LMBR1: variants seen among roughly 807,000 people sequenced by gnomAD.
LMBR1 encodes the protein limb region 1 protein homolog.
A neutral mutation model predicts 73.9 loss-of-function variants in LMBR1; 52 were observed. The observed-to-expected ratio is 0.70, with a 90% CI of 0.56 to 0.89. The LOEUF (loss-of-function observed/expected upper bound fraction) is 0.89. LMBR1 is among the 40% of genes least tolerant of loss of function. The probability of loss-of-function intolerance (pLI) is 0.00; values close to 1 mark genes in which losing one functional copy is unlikely to be tolerated. For synonymous variants in LMBR1, 215 were observed against 209.4 expected, an observed-to-expected ratio of 1.03 and a Z score of -0.23; for missense variants, 539 against 579.8, an observed-to-expected ratio of 0.93 and a Z score of 0.72.
intron 4 of LMBR1, among the ~76,000 whole-genome samples, chr7:156,807,004 T>G (rs1832254691): frequency 6.6e-6 from 1 of 151,736 alleles, no homozygotes; most frequent in South Asian, 2.1e-4. Context: ...GTCATATGCT[T>G]TTTCTGCATG....
chr7:156,751,813 G>T (rs1426355983), intron 9 of LMBR1, among the ~76,000 whole-genome samples: 1 of 152,192 alleles, frequency 6.6e-6, no homozygotes, highest in Non-Finnish European at 1.5e-5. Context: ...GCAAAATCTA[G>T]AAGTAAAGAT....
chr7:156,845,052 G>C (rs1211335208), intron 1 of LMBR1, among the ~76,000 whole-genome samples: 2 of 152,116 alleles, frequency 1.3e-5, no homozygotes, highest in Admixed American at 6.5e-5. Flanking sequence ...TATCATAAAA[G>C]AGTGATGAGT....
chr7:156,882,437 A>G (rs906867248), intron 1 of LMBR1, among the ~76,000 whole-genome samples: 7 of 152,112 alleles, frequency 4.6e-5, no homozygotes, highest in South Asian at 2.1e-4. Context: ...CTCAAGGGGG[A>G]AAAAAAGGAA....
In LMBR1 at chr7:156,826,684, G is replaced by C. The variant is rs886062121; in HGVS notation, c.240C>G (p.Phe80Leu). The stretch of plus-strand genomic sequence containing the variant: ...GCAGGATTTCATTGCTGATGATTGA[G>C]AAGGGTAAAAGCAAAACAGCCCCAG... ...VSAGAVLLLP[F>L]SIISNEILLS... Residue 80 changes from phenylalanine to leucine, a missense_variant, in exon 4 of 17, where the codon TTC becomes TTG. Physicochemically the swap from Phe to Leu is conservative, Grantham distance 22. This residue lies in a region of LMBR1 where 454 missense variants were observed against 473.4 expected (regional missense o/e 0.96). Coordinates refer to ENST00000353442, the MANE Select transcript of LMBR1 (RefSeq NM_022458.4). 4 of 1,611,186 alleles carry C rather than the reference G, an allele frequency of 2.5e-6. No homozygotes were observed. Among genetic ancestry groups the C allele is most frequent in the Non-Finnish European group, 3.4e-6 (4 of 1,178,452 alleles).
intron 1 of LMBR1, among the ~76,000 whole-genome samples, chr7:156,839,108 G>A (rs1325355754): frequency 1.4e-5 from 2 of 138,196 alleles, no homozygotes; most frequent in East Asian, 4.4e-4. Context: ...GGAGTGCAAT[G>A]GCGCGATCTT....
chr7:156,706,189 T>C (rs1810897195), intron 15 of LMBR1, among the ~76,000 whole-genome samples: 1 of 147,708 alleles, frequency 6.8e-6, no homozygotes, highest in South Asian at 2.2e-4. Flanking sequence ...AAGGTCATTA[T>C]ATAATGATAA....
intron 15 of LMBR1, among the ~76,000 whole-genome samples, chr7:156,709,993 C>A (rs189984912): frequency 6.7e-6 from 1 of 149,908 alleles, no homozygotes; most frequent in East Asian, 2.0e-4. Flanking sequence ...CAAGCTCCAC[C>A]TCCCGGGTTC....
intron 8 of LMBR1, among the ~76,000 whole-genome samples, chr7:156,758,178 G>C (rs1278358708): frequency 6.6e-6 from 1 of 152,192 alleles, no homozygotes; most frequent in Non-Finnish European, 1.5e-5. Flanking sequence ...CCTGGATGCA[G>C]TGGGTTAGGG....
intron 10 of LMBR1, among the ~76,000 whole-genome samples, chr7:156,729,653 T>C (rs1014620841): frequency 6.6e-6 from 1 of 152,010 alleles, no homozygotes; most frequent in African/African-American, 2.4e-5. Flanking sequence ...TTTTGTATTT[T>C]TAGTAGAGAC....
At chr7:156,715,471 T>C (rs1289173935) in intron 15 of LMBR1, among the ~76,000 whole-genome samples, 1 of 152,244 alleles carries the variant, frequency 6.6e-6, no homozygotes, top group Non-Finnish European at 1.5e-5. Context: ...TACTCTTTTT[T>C]CTTTTTTAAT....
At chr7:156,704,403 G>GCC (rs1810460197) in intron 15 of LMBR1, among the ~76,000 whole-genome samples, 1 of 151,934 alleles carries the variant, frequency 6.6e-6, no homozygotes, top group African/African-American at 2.4e-5. Context: ...AAGCCAAACA[G>GCC]CCCTACCTGC....
At chr7:156,675,504 C>A (rs540719540), downstream of LMBR1, among the ~76,000 whole-genome samples, 11 of 152,108 alleles carry the variant, frequency 7.2e-5, no homozygotes, top group Non-Finnish European at 1.6e-4. Context: ...GATAGGGGTT[C>A]TTGTGGTCAT....
chr7:156,688,120 A>C lies in LMBR1; in HGVS notation c.1297T>G (p.Ser433Ala). 3 of 1,611,944 alleles carry C rather than the reference A, an allele frequency of 1.9e-6. No individual in the cohort carries two copies. The highest frequency in any genetic ancestry group is 2.5e-6 in the Non-Finnish European group (3 of 1,179,132). ...NWLGNFYIVL[S>A]YNLLFAIVTT... Reference sequence around the variant, plus strand: ...ACAATAGCAAAAAGCAAATTGTAGGATAATACAATATAGAAATTTCCCAGC... The same window carrying C: ...ACAATAGCAAAAAGCAAATTGTAGGCTAATACAATATAGAAATTTCCCAGC... The change falls in exon 16 of 17, where the codon TCC becomes GCC. Residue 433 changes from serine to alanine, a missense_variant. By Grantham distance (99) the Ser-to-Ala change is moderately conservative (BLOSUM62 1). Transcript: ENST00000353442.
rs978964923 is a variant in LMBR1 at position 156,744,330 on chromosome 7, A to T, written c.758-10073T>A. On this transcript the variant is annotated intron_variant, in intron 9 of 16. Coordinates refer to ENST00000353442, the MANE Select transcript of LMBR1 (RefSeq NM_022458.4). ...CTTTGTCTGGAATTTTTCTATGTGA[A>T]AGTTTGTAAGGGCTTTTTTTTTTTT... Among the ~76,000 whole-genome samples the T allele has an allele frequency of 5.3e-5, 8 of 151,634 alleles. No homozygotes were observed. The South Asian group carries it at 1.5e-3, about 28-fold the overall frequency.
intron 1 of LMBR1, among the ~76,000 whole-genome samples, chr7:156,890,588 T>C (rs548872199): frequency 3.3e-5 from 5 of 152,322 alleles, no homozygotes; most frequent in African/African-American, 1.2e-4. Context: ...AAACAGGTGC[T>C]CAAATTCATT....
At chr7:156,690,564 AC>A (rs1806968571) in intron 15 of LMBR1, among the ~76,000 whole-genome samples, 1 of 152,206 alleles carries the variant, frequency 6.6e-6, no homozygotes, top group African/African-American at 2.4e-5. Flanking sequence ...AGTGGACTCA[AC>A]TTGGTATCTT....
Position 156,669,276 on chromosome 7 carries a change from T to A in LMBR1, n.878A>T, listed in dbSNP as rs563582365. 13 of 152,356 alleles carry A rather than the reference T, an allele frequency of 8.5e-5. No homozygotes were observed. In the East Asian group the frequency reaches 2.1e-3, roughly 25 times the overall value. The allele number at this position is 152,356 out of a possible 1,614,324, so 9.4% of individuals were successfully genotyped here. On this transcript the variant is annotated non_coding_transcript_exon_variant, in exon 5 of 5. Transcript: ENST00000430825. This position sits in a 1 kb window ranked among gnomAD's most constrained non-coding sequence, Gnocchi z 4.2. ...GTTCGCGCCTGCTGCAGGGCACGCT[T>A]CCTGCAGGGAGCTGGGGAGAGACAA...
chr7:156,673,769 G>A (rs376486846), downstream of LMBR1, among the ~76,000 whole-genome samples: 4 of 152,160 alleles, frequency 2.6e-5, no homozygotes, highest in African/African-American at 4.8e-5. Context: ...AGTCTCCACA[G>A]CACTCGACCC....
At chr7:156,693,217 G>A (rs1807590100) in intron 15 of LMBR1, among the ~76,000 whole-genome samples, 1 of 151,950 alleles carries the variant, frequency 6.6e-6, no homozygotes, top group South Asian at 2.1e-4. Context: ...CAAATATGAT[G>A]AAAATTAACC....
Sources: allele counts gnomAD v4.1 joint callset (sites outside exome capture counted in the v4.1 genomes callset), GRCh38; gene constraint gnomAD v4.1.1; regional missense constraint gnomAD v4.1.1; non-coding constraint Gnocchi (gnomAD v3.1); transcripts MANE v1.5; gene names NCBI Gene and HGNC (gene_info 2026-07-23, HGNC 2026-07-21).